The following PCDH15 variants were observed in gnomAD, a reference collection of about 807,000 sequenced individuals.
PCDH15 encodes the protein protocadherin-15.
In PCDH15, 129 loss-of-function variants were observed where a neutral mutation model predicts 178.5. The ratio of observed to expected loss-of-function variants is 0.72; its 90% CI spans 0.63 to 0.84. PCDH15 has a LOEUF of 0.84. Among genes scored for constraint, PCDH15 ranks in the 40% least tolerant of loss-of-function variants. PCDH15 has a pLI of 0.00. For synonymous variants in PCDH15, 800 were observed against 732.0 expected (o/e 1.09, Z -1.50); for missense variants, 2,230 against 2,099.9 (o/e 1.06, Z -1.21).
intron 14 of PCDH15, among the ~76,000 whole-genome samples, chr10:54,150,346 G>C (rs1195233305): frequency 6.6e-6 from 1 of 151,914 alleles, no homozygotes; most frequent in East Asian, 1.9e-4. Context: ...ACCCTGCAAA[G>C]TTTAGTTACA....
At chr10:55,273,559 C>T (rs1476120925) in intron 1 of PCDH15, among the ~76,000 whole-genome samples, 1 of 151,976 alleles carries the variant, frequency 6.6e-6, no homozygotes, top group Non-Finnish European at 1.5e-5. Context: ...GTGTGTGTGA[C>T]TGATGTATGT....
intron 2 of PCDH15, among the ~76,000 whole-genome samples, chr10:55,580,708 T>G (rs904319432): frequency 3.9e-5 from 6 of 152,160 alleles, no homozygotes; most frequent in South Asian, 2.1e-4. Flanking sequence ...TTCATACACA[T>G]CTATGAAACA....
At chr10:55,174,912 C>T (rs574699406) in intron 1 of PCDH15, among the ~76,000 whole-genome samples, 1 of 152,100 alleles carries the variant, frequency 6.6e-6, no homozygotes, top group African/African-American at 2.4e-5. Context: ...TTCAGACTAC[C>T]CTGGCAGGTA....
At chr10:54,602,864 T>A (rs2092599289) in intron 2 of PCDH15, among the ~76,000 whole-genome samples, 1 of 151,960 alleles carries the variant, frequency 6.6e-6, no homozygotes, top group Admixed American at 6.6e-5. Context: ...TGCATTCAGT[T>A]TGCTTGTATT....
intron 2 of PCDH15, among the ~76,000 whole-genome samples, chr10:54,612,441 GT>G (rs1565742726): frequency 6.6e-6 from 1 of 151,548 alleles, no homozygotes; most frequent in African/African-American, 2.4e-5. Context: ...TTAAATAAGT[GT>G]TTTTTCTCTA....
chr10:53,995,628 T>C lies in PCDH15; in HGVS notation c.2868+21A>G, dbSNP rs750306145. 3.8e-5 allele frequency: 61 copies of C among 1,613,714 alleles called. No homozygotes were observed. In the Admixed American group the frequency reaches 1.0e-3, roughly 27 times the overall value. ...TTTTTCTCAGTACAGTTCAGAATAT[T>C]AATCAATGCCTTCTACTTACAGGAG... On this transcript the variant is annotated intron_variant, in intron 21 of 37. Coordinates refer to ENST00000644397, the MANE Select transcript of PCDH15 (RefSeq NM_001384140.1).
intron 13 of PCDH15, among the ~76,000 whole-genome samples, chr10:54,168,442 G>A (rs1273740011): frequency 1.3e-5 from 2 of 150,778 alleles, no homozygotes; most frequent in Non-Finnish European, 1.5e-5. Context: ...GCTGCTCCTC[G>A]CCAGGCCGAG....
intron 21 of PCDH15, among the ~76,000 whole-genome samples, chr10:53,977,818 G>T (rs2090308727): frequency 6.6e-6 from 1 of 152,140 alleles, no homozygotes. Context: ...TTCCAAATAA[G>T]AGAAATTAGC....
In PCDH15 at chr10:55,250,226, C is replaced by A. The variant is rs143329618; in HGVS notation, c.-156+69373G>T. 3.3e-3 allele frequency among the ~76,000 whole-genome samples: 503 copies of A among 152,116 alleles called. 3 individuals carry two copies. Among genetic ancestry groups the A allele is most frequent in the African/African-American group, 0.012 (479 of 41,522 alleles). On this transcript the variant is annotated intron_variant, in intron 1 of 5. Transcript: ENST00000458638. ...TGGTGCAATCACAGCTCACTGAAAC[C>A]TCAAACTCCCAGGCCCAAGTGATCC...
In PCDH15 at chr10:53,815,181, A is replaced by G. The variant is rs1186153479; in HGVS notation, c.4491+1058T>C. ...GATCAAACACTTAATGTAATTTTTA[A>G]TATTCATTTTTGCTGTCCACACAGG... On this transcript the variant is annotated intron_variant, in intron 35 of 37. Transcript: ENST00000644397. Among the ~76,000 whole-genome samples the G allele has an allele frequency of 2.0e-5, 3 of 152,302 alleles. No individual in the cohort carries two copies. In the South Asian group the frequency reaches 6.2e-4, roughly 32 times the overall value.
At chr10:54,034,486 T>C (rs2093371028) in intron 18 of PCDH15, among the ~76,000 whole-genome samples, 1 of 151,974 alleles carries the variant, frequency 6.6e-6, no homozygotes. Flanking sequence ...TAGGTATTCA[T>C]TTTGCTGACA....
At chr10:54,525,794 TAAAG>T (rs976384323) in intron 3 of PCDH15, among the ~76,000 whole-genome samples, 2 of 152,202 alleles carry the variant, frequency 1.3e-5, no homozygotes, top group African/African-American at 4.8e-5. Flanking sequence ...TTTGATTGCC[TAAAG>T]AAAAATATAA....
chr10:55,293,364 A>C lies in PCDH15; in HGVS notation c.-156+26235T>G, dbSNP rs1046981187. Among the ~76,000 whole-genome samples the C allele has an allele frequency of 7.2e-5, 11 of 152,314 alleles. 1 individual carries two copies. The highest frequency in any genetic ancestry group is 6.8e-3 in the Middle Eastern group (2 of 294). ...GATGGGGCTGCCATGAAGAACTTTGACATTGCCTCAGGGACATTTTCCCCA... is the reference window on the plus strand; with the variant it reads ...GATGGGGCTGCCATGAAGAACTTTGCCATTGCCTCAGGGACATTTTCCCCA... On this transcript the variant is annotated intron_variant, in intron 1 of 5. Coordinates refer to the PCDH15 transcript ENST00000458638.
At chr10:53,910,259 C>T (rs1026685129) in intron 25 of PCDH15, among the ~76,000 whole-genome samples, 11 of 152,100 alleles carry the variant, frequency 7.2e-5, no homozygotes, top group South Asian at 2.1e-4. Context: ...CAGTAGGGGC[C>T]GACTGACACT....
intron 15 of PCDH15, among the ~76,000 whole-genome samples, chr10:54,108,004 A>G (rs1368147054): frequency 6.6e-6 from 1 of 151,984 alleles, no homozygotes; most frequent in Non-Finnish European, 1.5e-5. Flanking sequence ...AGACTCTCAT[A>G]TGTGTTGAGT....
chr10:54,289,087 C>A (rs991537783), intron 8 of PCDH15, among the ~76,000 whole-genome samples: 2 of 152,214 alleles, frequency 1.3e-5, no homozygotes, highest in African/African-American at 4.8e-5. Context: ...CCCCGTTTAG[C>A]CTAACTGGGA....
At chr10:54,418,111 C>T (rs1954722787) in intron 3 of PCDH15, among the ~76,000 whole-genome samples, 1 of 152,062 alleles carries the variant, frequency 6.6e-6, no homozygotes, top group Admixed American at 6.6e-5. Flanking sequence ...TCAGCTTTTT[C>T]AAGAACTGTT....
At chr10:55,231,521 C>T (rs915267886) in intron 1 of PCDH15, among the ~76,000 whole-genome samples, 1 of 151,894 alleles carries the variant, frequency 6.6e-6, no homozygotes, top group African/African-American at 2.4e-5. Context: ...TGGAGATGAT[C>T]GTCTAAAACA....
chr10:54,468,551 T>C (rs2077683678), intron 3 of PCDH15, among the ~76,000 whole-genome samples: 1 of 152,184 alleles, frequency 6.6e-6, no homozygotes, highest in South Asian at 2.1e-4. Flanking sequence ...TTGAGACTTG[T>C]TTTATGTCCT....
Sources: allele counts gnomAD v4.1 joint callset (sites outside exome capture counted in the v4.1 genomes callset), GRCh38; gene constraint gnomAD v4.1.1; transcripts MANE v1.5; gene names NCBI Gene and HGNC (gene_info 2026-07-23, HGNC 2026-07-21).